Variants in DNAJC24 observed in about 807,000 individuals in gnomAD.
DNAJC24 encodes the protein dnaJ homolog subfamily C member 24.
In DNAJC24, 17 loss-of-function variants were observed where a neutral mutation model predicts 18.0. The ratio of observed to expected loss-of-function variants is 0.94; its 90% CI spans 0.65 to 1.42. The LOEUF is 1.42. Ranked by LOEUF, DNAJC24 falls within the 40% of genes most tolerant of loss-of-function variation. The pLI is 0.00. For synonymous variants in DNAJC24, 55 were observed against 57.7 expected (o/e 0.95, Z 0.21); for missense variants, 158 against 175.6 (o/e 0.90, Z 0.57).
At chr11:31,422,963 C>T (rs999360829) in intron 3 of DNAJC24, among the ~76,000 whole-genome samples, 1 of 152,138 alleles carries the variant, frequency 6.6e-6, no homozygotes, top group South Asian at 2.1e-4. Context: ...GTGTGTACCA[C>T]GTCTGCTCAT....
chr11:31,394,222 G>A (rs894471736), intron 2 of DNAJC24, among the ~76,000 whole-genome samples: 23 of 152,062 alleles, frequency 1.5e-4, no homozygotes, highest in African/African-American at 5.3e-4. Flanking sequence ...GTACAAAAAT[G>A]CAAAAATCAT....
chr11:31,374,064 C>A (rs1952290159), intron 2 of DNAJC24: 2 of 366,774 alleles, frequency 5.5e-6, no homozygotes, highest in East Asian at 7.1e-5. Flanking sequence ...TTCTGTCTTA[C>A]CAATCTGTAT....
chr11:31,426,547 A>T (rs981836801), intron 4 of DNAJC24, 192 bp downstream of exon 4: 5 of 441,286 alleles, frequency 1.1e-5, no homozygotes, highest in Non-Finnish European at 2.0e-5. Flanking sequence ...ATGTCCCCCT[A>T]TATGACTCAT....
intron 2 of DNAJC24, among the ~76,000 whole-genome samples, chr11:31,405,959 A>G (rs954617070): frequency 1.3e-5 from 2 of 152,166 alleles, no homozygotes; most frequent in African/African-American, 4.8e-5. Flanking sequence ...GAAATATAAC[A>G]TTAGTCTATT....
Position 31,375,967 on chromosome 11 carries a change from C to T in DNAJC24, c.111+5108C>T, listed in dbSNP as rs191468776. On this transcript the variant is annotated intron_variant, in intron 2 of 4. Coordinates refer to ENST00000465995, the MANE Select transcript of DNAJC24 (RefSeq NM_181706.5). Reference sequence around the variant, plus strand: ...ACATCTGATATAATTTGGCTGTGTCCCCACCTAAATCTCATCTTGAATTGT... The same window carrying T: ...ACATCTGATATAATTTGGCTGTGTCTCCACCTAAATCTCATCTTGAATTGT... Among the ~76,000 whole-genome samples, 614 of 134,868 alleles carry T rather than the reference C, an allele frequency of 4.6e-3. 52 individuals carry two copies. The highest frequency in any genetic ancestry group is 0.014 in the African/African-American group (565 of 40,268). 88.5% of individuals were successfully genotyped at this position (134,868 alleles called of 152,430 possible).
rs398015694 is a variant in DNAJC24 at position 31,405,066 on chromosome 11, C to CTT, written c.112-9738_112-9737dup. Among the ~76,000 whole-genome samples, 15 of 131,958 alleles carry CTT rather than the reference C, an allele frequency of 1.1e-4. 1 individual carries two copies. Among genetic ancestry groups the CTT allele is most frequent in the South Asian group, 2.4e-4 (1 of 4,180 alleles). The allele number at this position is 131,958 out of a possible 152,430, so 86.6% of individuals were successfully genotyped here. A position where few individuals can be genotyped will look rare whatever the true frequency, so the allele number is the denominator to read the frequency against. On this transcript the variant is annotated intron_variant, in intron 2 of 4. Coordinates refer to ENST00000465995, the MANE Select transcript of DNAJC24 (RefSeq NM_181706.5). ...GGTAGAGAAAGCGGCATTAGGAATT[C>CTT]TTTTTTTTGTTTTTTTTTTTTTTGA...
At chr11:31,393,920 T>C (rs503972) in intron 2 of DNAJC24, among the ~76,000 whole-genome samples, 15,023 of 151,878 alleles carry the variant, frequency 0.099, 2,067 homozygotes, top group African/African-American at 0.31. Context: ...AGGGGAAATG[T>C]AGGGTTACAT....
chr11:31,384,704 T>C (rs1218537082), intron 2 of DNAJC24: 1 of 152,230 alleles, frequency 6.6e-6, no homozygotes, highest in East Asian at 1.9e-4. Flanking sequence ...CAGTGTTTTG[T>C]CTACACCTAT....
At chr11:31,418,494 A>G (rs1054717154) in intron 3 of DNAJC24, among the ~76,000 whole-genome samples, 1 of 152,146 alleles carries the variant, frequency 6.6e-6, no homozygotes, top group Non-Finnish European at 1.5e-5. Flanking sequence ...GGCTCTATAC[A>G]GTGACACAGC....
At chr11:31,408,233 A>G (rs1411301498) in intron 2 of DNAJC24, 2 of 455,758 alleles carry the variant, frequency 4.4e-6, no homozygotes, top group African/African-American at 4.0e-5. Context: ...TAAGCAGTCA[A>G]GGCAAACAGT....
intron 3 of DNAJC24, among the ~76,000 whole-genome samples, chr11:31,417,558 C>T (rs1156890159): frequency 6.6e-6 from 1 of 151,892 alleles, no homozygotes; most frequent in Non-Finnish European, 1.5e-5. Context: ...TTCTGGGTCA[C>T]CCCCTGGGGA....
At chr11:31,392,562 C>T (rs1952507563) in intron 2 of DNAJC24, among the ~76,000 whole-genome samples, 1 of 151,408 alleles carries the variant, frequency 6.6e-6, no homozygotes, top group Non-Finnish European at 1.5e-5. Context: ...ACAAATATAC[C>T]TTCATATAGA....
At chr11:31,382,846 C>T (rs1426439890) in intron 2 of DNAJC24, among the ~76,000 whole-genome samples, 4 of 152,160 alleles carry the variant, frequency 2.6e-5, no homozygotes, top group Non-Finnish European at 5.9e-5. Flanking sequence ...TAAGACTCCC[C>T]TCCATGTTAG....
At chr11:31,397,476 GATTT>G (rs1952553101) in intron 2 of DNAJC24, among the ~76,000 whole-genome samples, 1 of 116,548 alleles carries the variant, frequency 8.6e-6, no homozygotes, top group African/African-American at 3.8e-5. Flanking sequence ...TTACCTTTGT[GATTT>G]TTTTTTTTTT....
chr11:31,399,563 G>A (rs975273076), intron 2 of DNAJC24, among the ~76,000 whole-genome samples: 30 of 151,634 alleles, frequency 2.0e-4, no homozygotes, highest in African/African-American at 6.5e-4. Flanking sequence ...ACAGGCGCAC[G>A]CCATCACGCC....
At chr11:31,403,707 T>C (rs1952624761) in intron 2 of DNAJC24, among the ~76,000 whole-genome samples, 1 of 152,154 alleles carries the variant, frequency 6.6e-6, no homozygotes, top group South Asian at 2.1e-4. Context: ...GCAGATTCAT[T>C]TGGTGGTGGT....
At chr11:31,375,036 AGTT>A (rs1564945539) in intron 2 of DNAJC24, among the ~76,000 whole-genome samples, 6 of 134,210 alleles carry the variant, frequency 4.5e-5, no homozygotes, top group African/African-American at 1.5e-4. Context: ...AGTGTGAGCC[AGTT>A]GCTGTGGTTC....
At chr11:31,405,191 TC>T (rs1226729973) in intron 2 of DNAJC24, among the ~76,000 whole-genome samples, 2 of 149,990 alleles carry the variant, frequency 1.3e-5, no homozygotes, top group African/African-American at 4.9e-5. Flanking sequence ...TGCCTCAGCC[TC>T]CCGAGTAGCT....
intron 2 of DNAJC24, among the ~76,000 whole-genome samples, chr11:31,414,082 C>T (rs1056508017): frequency 2.0e-5 from 3 of 152,118 alleles, no homozygotes; most frequent in Non-Finnish European, 2.9e-5. Flanking sequence ...TGGCATAAAA[C>T]TTCTGGTTTT....
Sources: gnomAD v4.1 joint callset for allele counts (sites outside exome capture counted in the v4.1 genomes callset) on GRCh38, gnomAD v4.1.1 for gene constraint, MANE v1.5 for transcripts, NCBI Gene and HGNC (gene_info 2026-07-23, HGNC 2026-07-21) for gene names.